The following USP32 variants were observed in gnomAD, a reference collection of about 807,000 sequenced individuals.
USP32 encodes ubiquitin carboxyl-terminal hydrolase 32.
USP32 carries 59 observed loss-of-function variants against 204.8 expected under a neutral mutation model. The observed-to-expected ratio is 0.29, with a 90% CI of 0.23 to 0.36. The LOEUF is 0.36. Ranked by LOEUF, USP32 falls within the 10% of genes least tolerant of loss-of-function variation. USP32 has a pLI of 1.00. For missense variants in USP32, 1,160 were observed against 1,946.4 expected, an observed-to-expected ratio of 0.60 and a Z score of 7.60; for synonymous variants, 517 against 678.4, an observed-to-expected ratio of 0.76 and a Z score of 3.70.
At chr17:60,221,697 G>C (rs562093588) in intron 15 of USP32, among the ~76,000 whole-genome samples, 3 of 151,894 alleles carry the variant, frequency 2.0e-5, no homozygotes, top group Admixed American at 2.0e-4. Flanking sequence ...TTAGACACGG[G>C]GTTTCACTAT....
At chr17:60,246,636 C>A (rs2145686716) in intron 11 of USP32, among the ~76,000 whole-genome samples, 1 of 152,270 alleles carries the variant, frequency 6.6e-6, no homozygotes, top group Non-Finnish European at 1.5e-5. Context: ...TCCATATTGA[C>A]TGTACTAATT....
At position 60,301,815 on chromosome 17, in the gene USP32, A is replaced by T. The variant is rs563434676; in HGVS notation, c.187-111T>A. ...CTCCACCTCCACAACAGGCCCTGGT[A>T]AATTTTAGTGAAATCATGTTAAGTT... On this transcript the variant is annotated intron_variant, in intron 2 of 33. Transcript: ENST00000300896. The T allele has an allele frequency of 7.1e-6, 5 of 706,846 alleles. No homozygotes were observed. The African/African-American group carries it at 9.3e-5, about 13-fold the overall frequency. The allele number at this position is 706,846 out of a possible 1,614,324, so 43.8% of individuals were successfully genotyped here. A position where few individuals can be genotyped will look rare whatever the true frequency, so the allele number is the denominator to read the frequency against.
intron 2 of USP32, among the ~76,000 whole-genome samples, chr17:60,327,711 C>T (rs1311669029): frequency 6.6e-6 from 1 of 152,226 alleles, no homozygotes; most frequent in Non-Finnish European, 1.5e-5. Flanking sequence ...GGATTCTGCA[C>T]CCTCAGGGGT....
At chr17:60,344,690 A>C (rs539082174) in intron 2 of USP32, among the ~76,000 whole-genome samples, 2 of 152,194 alleles carry the variant, frequency 1.3e-5, no homozygotes, top group African/African-American at 4.8e-5. Context: ...CCTGAGCTCA[A>C]GTGATCCTCC....
chr17:60,181,672 C>A lies in USP32; in HGVS notation c.4200G>T (p.Arg1400=), dbSNP rs767236496. The change falls in exon 32 of 34, where the codon CGG becomes CGT. Residue 1400 remains arginine, a synonymous_variant. Coordinates refer to ENST00000300896, the MANE Select transcript of USP32 (RefSeq NM_032582.4). ...SKNSSPNSSP[R]TLGRSKGRLR... Reference sequence around the variant, plus strand: ...GCCTCCCTTTGCTCCTCCCCAAAGTCCGTGGGCTGCTATTAGGGCTGCTGT... The same window carrying A: ...GCCTCCCTTTGCTCCTCCCCAAAGTACGTGGGCTGCTATTAGGGCTGCTGT... 7.4e-6 allele frequency: 12 copies of A among 1,613,312 alleles called. No individual in the cohort carries two copies. Among genetic ancestry groups the A allele is most frequent in the Non-Finnish European group, 9.3e-6 (11 of 1,179,856 alleles).
chr17:60,236,162 T>C lies in USP32; in HGVS notation c.1215A>G (p.Gln405=), dbSNP rs375964710. ...NWFIISMQWW[Q]QWKEYVKYDA... is the part of the protein sequence containing the mutation. The stretch of plus-strand genomic sequence containing the variant: ...CGTATTTGACATATTCTTTCCACTG[T>C]TGCCACCACTGCATGGAGATGATAA... Residue 405 remains glutamine (Q), a synonymous_variant, in exon 12 of 34, where the codon CAA becomes CAG. Transcript: ENST00000300896. 1.2e-5 allele frequency: 20 copies of C among 1,613,832 alleles called. 1 individual carries two copies. In the East Asian group the frequency reaches 4.0e-4, roughly 32 times the overall value.
At chr17:60,413,876 GAAAAAAAAAAAA>G (rs753405307) in intron 1 of USP32, among the ~76,000 whole-genome samples, 1 of 95,106 alleles carries the variant, frequency 1.1e-5, no homozygotes, top group Non-Finnish European at 2.1e-5. Flanking sequence ...AAAAAAAAAA[GAAAAAAAAAAAA>G]AAAAAAAGAA....
At chr17:60,349,596 A>AATAT (rs1187939098) in intron 1 of USP32, among the ~76,000 whole-genome samples, 30 of 65,170 alleles carry the variant, frequency 4.6e-4, no homozygotes, top group East Asian at 1.2e-3. Flanking sequence ...AAAAAAAAAA[A>AATAT]ATATATATAT....
chr17:60,246,228 G>A (rs1054304198), intron 11 of USP32, among the ~76,000 whole-genome samples: 1 of 151,744 alleles, frequency 6.6e-6, no homozygotes, highest in African/African-American at 2.4e-5. Flanking sequence ...CTAATTCCAC[G>A]AGATCAACTT....
intron 12 of USP32, among the ~76,000 whole-genome samples, chr17:60,232,951 C>T (rs779185928): frequency 6.6e-6 from 1 of 152,158 alleles, no homozygotes; most frequent in South Asian, 2.1e-4. Flanking sequence ...GGGCTAAGTG[C>T]TTCACATGTA....
chr17:60,255,501 T>C (rs1287462275), intron 9 of USP32, among the ~76,000 whole-genome samples: 1 of 152,154 alleles, frequency 6.6e-6, no homozygotes, highest in African/African-American at 2.4e-5. Flanking sequence ...GGTTTCACTA[T>C]GTTGGCCAGG....
chr17:60,265,053 A>G (rs1249717636), intron 9 of USP32, among the ~76,000 whole-genome samples: 1 of 152,126 alleles, frequency 6.6e-6, no homozygotes, highest in East Asian at 1.9e-4. Flanking sequence ...TATAAATGGA[A>G]TCATACAGTA....
chr17:60,421,989 CCAAAA>C (rs760653466), intron 1 of USP32: 228 of 970,724 alleles, frequency 2.3e-4, no homozygotes, highest in Non-Finnish European at 2.8e-4. Context: ...TTATACACCC[CCAAAA>C]CACACACATC....
At chr17:60,413,876 G>GAAAAAAAAAAAAAAAAAAAAAAAAAAA (rs753405307) in intron 1 of USP32, among the ~76,000 whole-genome samples, 1 of 95,106 alleles carries the variant, frequency 1.1e-5, no homozygotes, top group Non-Finnish European at 2.1e-5. Context: ...AAAAAAAAAA[G>GAAAAAAAAAAAAAAAAAAAAAAAAAAA]AAAAAAAAAA....
chr17:60,372,936 A>G (rs539248445), intron 1 of USP32, among the ~76,000 whole-genome samples: 72 of 151,986 alleles, frequency 4.7e-4, no homozygotes, highest in Non-Finnish European at 9.1e-4. Flanking sequence ...TGGGAGGCCA[A>G]GGCAGGAGAC....
intron 1 of USP32, among the ~76,000 whole-genome samples, chr17:60,351,074 G>A (rs2088934869): frequency 6.6e-6 from 1 of 151,976 alleles, no homozygotes; most frequent in Admixed American, 6.6e-5. Context: ...AATTTACCCT[G>A]TCCATAGCCC....
intron 12 of USP32, among the ~76,000 whole-genome samples, chr17:60,232,163 T>A (rs551882400): frequency 6.9e-6 from 1 of 145,666 alleles, no homozygotes; most frequent in South Asian, 2.1e-4. Context: ...ACTAATTTTC[T>A]TTTTCTTTTT....
At chr17:60,310,025 C>T (rs112196642) in intron 2 of USP32, among the ~76,000 whole-genome samples, 1 of 149,702 alleles carries the variant, frequency 6.7e-6, no homozygotes, top group African/African-American at 2.5e-5. Context: ...GCCTGGGTGA[C>T]AGAGCAAGAC....
chr17:60,236,198 T>C lies in USP32; in HGVS notation c.1179A>G (p.Gly393=), dbSNP rs1418696900. Residue 393 remains glycine, a synonymous_variant, in exon 12 of 34, where the codon GGA becomes GGG. Coordinates refer to ENST00000300896, the MANE Select transcript of USP32 (RefSeq NM_032582.4). ...ERESRYGLQA[G]HNWFIISMQW... is the part of the protein sequence containing the mutation. Reference sequence around the variant, plus strand: ...GCATGGAGATGATAAACCAGTTGTGTCCTGCTTGCAGACCATACCTGCTCT... The same window carrying C: ...GCATGGAGATGATAAACCAGTTGTGCCCTGCTTGCAGACCATACCTGCTCT... 3.7e-6 allele frequency: 6 copies of C among 1,613,910 alleles called. No individual in the cohort carries two copies. Among genetic ancestry groups the C allele is most frequent in the Non-Finnish European group, 4.2e-6 (5 of 1,179,932 alleles).
Sources: gnomAD v4.1 joint callset for allele counts (sites outside exome capture counted in the v4.1 genomes callset) on GRCh38, gnomAD v4.1.1 for gene constraint, MANE v1.5 for transcripts, NCBI Gene and HGNC (gene_info 2026-07-23, HGNC 2026-07-21) for gene names.